The following RAB30 variants were observed in gnomAD, a reference collection of about 807,000 sequenced individuals.
RAB30 encodes the protein ras-related protein Rab-30.
RAB30 carries 9 observed loss-of-function variants against 25.1 expected under a neutral mutation model. The observed-to-expected ratio is 0.36, with a 90% CI of 0.22 to 0.63. The LOEUF is 0.63. Among genes scored for constraint, RAB30 ranks in the 20% least tolerant of loss-of-function variants. The pLI is 0.69. For synonymous variants in RAB30, 77 were observed against 86.4 expected, an observed-to-expected ratio of 0.89 and a Z score of 0.60; for missense variants, 140 against 243.5, an observed-to-expected ratio of 0.58 and a Z score of 2.83.
intron 1 of RAB30, among the ~76,000 whole-genome samples, chr11:83,060,797 C>G (rs1858555870): frequency 6.6e-6 from 1 of 152,016 alleles, no homozygotes; most frequent in Admixed American, 6.6e-5. Context: ...AAGACTGTTT[C>G]CAGAGGAGAT....
intron 1 of RAB30, among the ~76,000 whole-genome samples, chr11:83,033,343 G>A (rs1166401885): frequency 6.6e-6 from 1 of 152,096 alleles, no homozygotes; most frequent in Non-Finnish European, 1.5e-5. Flanking sequence ...TGGGATTACA[G>A]GTGTCAGCCA....
rs1036878450 is a variant in RAB30 at position 83,028,256 on chromosome 11, T to C, written c.-8-30932A>G. Among the ~76,000 whole-genome samples the C allele has an allele frequency of 7.2e-5, 11 of 152,000 alleles. No homozygotes were observed. In the East Asian group the frequency reaches 1.7e-3, roughly 24 times the overall value. Reference sequence around the variant, plus strand: ...TTTTTTTAAATCTTCAATAAAAGGATTGAATGATAAAATCGAAATCTTCTA... The same window carrying C: ...TTTTTTTAAATCTTCAATAAAAGGACTGAATGATAAAATCGAAATCTTCTA... On this transcript the variant is annotated intron_variant, in intron 1 of 4. Transcript: ENST00000527633.
chr11:83,029,740 T>C (rs532126612), intron 1 of RAB30, among the ~76,000 whole-genome samples: 64 of 152,118 alleles, frequency 4.2e-4, no homozygotes, highest in Non-Finnish European at 7.5e-4. Context: ...CACATCTACA[T>C]GCATACTTGT....
At chr11:82,989,291 C>T (rs1390852979) in intron 3 of RAB30, among the ~76,000 whole-genome samples, 2 of 152,224 alleles carry the variant, frequency 1.3e-5, no homozygotes, top group African/African-American at 2.4e-5. Context: ...AAATGTGCAT[C>T]TGTATCCAAA....
intron 1 of RAB30, among the ~76,000 whole-genome samples, chr11:83,023,479 T>C (rs149925205): frequency 1.3e-5 from 2 of 152,302 alleles, no homozygotes; most frequent in African/African-American, 4.8e-5. Context: ...ACCTGCTGAA[T>C]ATTTATCAAA....
chr11:83,064,899 G>A (rs925085932), intron 1 of RAB30, among the ~76,000 whole-genome samples: 16 of 151,124 alleles, frequency 1.1e-4, no homozygotes, highest in African/African-American at 3.9e-4. Flanking sequence ...TTTTTTTTAA[G>A]TCCAGGATCC....
In RAB30 at chr11:82,979,475, T is replaced by A. The variant is rs570973076; in HGVS notation, c.*2690A>T. On this transcript the variant is annotated 3_prime_UTR_variant, in exon 5 of 5. Coordinates refer to ENST00000527633, the MANE Select transcript of RAB30 (RefSeq NM_001286060.2). ...GCAAATATTGCCATGACAATAAGAC[T>A]GTTAGGCAAACCAATAAATTTAGGT... The A allele has an allele frequency of 2.9e-4, 44 of 152,304 alleles. 1 individual carries two copies. In the South Asian group the frequency reaches 5.6e-3, roughly 19 times the overall value. 9.4% of individuals were successfully genotyped at this position (152,304 alleles called of 1,614,324 possible).
chr11:83,063,269 C>G (rs1471466728), intron 1 of RAB30, among the ~76,000 whole-genome samples: 1 of 152,178 alleles, frequency 6.6e-6, no homozygotes, highest in African/African-American at 2.4e-5. Context: ...GGCCTTTTAA[C>G]CACCTGCTTC....
At chr11:83,046,952 GAC>G (rs1359584899) in intron 1 of RAB30, among the ~76,000 whole-genome samples, 1 of 152,162 alleles carries the variant, frequency 6.6e-6, no homozygotes, top group African/African-American at 2.4e-5. Context: ...TTTAAACCCT[GAC>G]ATTTTAACAT....
chr11:82,987,886 T>C (rs1325957956), intron 3 of RAB30, 116 bp from the exon 4 acceptor site: 3 of 265,498 alleles, frequency 1.1e-5, no homozygotes, highest in African/African-American at 8.0e-5. Flanking sequence ...CCAAACAATT[T>C]CATGGTTATT....
chr11:83,053,203 G>A (rs1858391457), intron 1 of RAB30, among the ~76,000 whole-genome samples: 1 of 152,142 alleles, frequency 6.6e-6, no homozygotes, highest in Admixed American at 6.5e-5. Context: ...TTAAACCACT[G>A]TTTAGTCTCC....
chr11:82,991,024 C>T (rs1312886208), intron 3 of RAB30, among the ~76,000 whole-genome samples: 1 of 152,072 alleles, frequency 6.6e-6, no homozygotes, highest in Non-Finnish European at 1.5e-5. Context: ...AAAAATGATA[C>T]TTGTAGAGGA....
At chr11:83,044,790 T>G (rs539490207) in intron 1 of RAB30, among the ~76,000 whole-genome samples, 2 of 152,314 alleles carry the variant, frequency 1.3e-5, no homozygotes, top group South Asian at 4.1e-4. Context: ...TTCCTTGATT[T>G]TTTAGCCCAC....
intron 1 of RAB30, among the ~76,000 whole-genome samples, chr11:83,060,888 A>G (rs1204678941): frequency 4.6e-5 from 7 of 152,178 alleles, no homozygotes; most frequent in African/African-American, 1.7e-4. Context: ...GGGCCTGGAG[A>G]AAACAAAAGC....
intron 1 of RAB30, chr11:83,040,744 AG>A (rs1858091616): frequency 6.5e-6 from 1 of 153,236 alleles, no homozygotes; most frequent in South Asian, 1.9e-4. Flanking sequence ...TTTTCTGGAC[AG>A]GAAGTAGGAT....
At chr11:83,028,579 G>T (rs1339595547) in intron 1 of RAB30, among the ~76,000 whole-genome samples, 1 of 152,036 alleles carries the variant, frequency 6.6e-6, no homozygotes, top group Non-Finnish European at 1.5e-5. Context: ...TATATATAAA[G>T]AATCAGAAAT....
At chr11:83,048,367 G>T (rs941557751) in intron 1 of RAB30, among the ~76,000 whole-genome samples, 2 of 151,816 alleles carry the variant, frequency 1.3e-5, no homozygotes, top group African/African-American at 4.8e-5. Context: ...AGCTGCCCAG[G>T]AGGCTGAGGT....
chr11:83,037,550 G>A (rs940154580), intron 1 of RAB30, among the ~76,000 whole-genome samples: 8 of 151,800 alleles, frequency 5.3e-5, no homozygotes, highest in African/African-American at 9.7e-5. Flanking sequence ...GGACCCAGCC[G>A]AATGAATTTT....
intron 1 of RAB30, among the ~76,000 whole-genome samples, chr11:83,014,629 T>TAAGAAA (rs1857377099): frequency 2.7e-5 from 1 of 37,470 alleles, no homozygotes; most frequent in Non-Finnish European, 5.6e-5. Flanking sequence ...AAGAAAGAAG[T>TAAGAAA]AAGAAAAAGA....
Sources: allele counts gnomAD v4.1 joint callset (sites outside exome capture counted in the v4.1 genomes callset), GRCh38; gene constraint gnomAD v4.1.1; transcripts MANE v1.5; gene names NCBI Gene and HGNC (gene_info 2026-07-23, HGNC 2026-07-21).